The following GPC5 variants were observed in gnomAD, a reference collection of about 807,000 sequenced individuals.
GPC5 encodes glypican-5.
GPC5 carries 47 observed loss-of-function variants against 53.9 expected under a neutral mutation model. The ratio of observed to expected loss-of-function variants is 0.87; its 90% CI spans 0.69 to 1.11. The LOEUF is 1.11. Ranked by LOEUF, GPC5 falls within the 50% of genes most tolerant of loss-of-function variation. The pLI, the probability that GPC5 is intolerant of heterozygous loss-of-function variation, is 0.00. For missense variants in GPC5, 748 were observed against 713.1 expected (o/e 1.05, Z -0.56); for synonymous variants, 286 against 263.3 (o/e 1.09, Z -0.84).
intron 7 of GPC5, among the ~76,000 whole-genome samples, chr13:92,202,593 T>C (rs932925831): frequency 2.0e-5 from 3 of 152,176 alleles, no homozygotes; most frequent in African/African-American, 7.2e-5. Context: ...CCAAAGATTT[T>C]CTAATAAGAG....
rs1183481059 is a variant in GPC5 at position 91,429,173 on chromosome 13, G to A, written c.164-19588G>A. 2.6e-5 allele frequency among the ~76,000 whole-genome samples: 4 copies of A among 152,124 alleles called. No homozygotes were observed. The South Asian group carries it at 8.3e-4, about 31-fold the overall frequency. ...GGCCTCAAGTGATTCACCTGACTTG[G>A]CCTCCCAAAGTACTGGGATTACAGG... On this transcript the variant is annotated intron_variant, in intron 1 of 7. Transcript: ENST00000377067.
At chr13:92,640,170 A>G (rs1049596440) in intron 7 of GPC5, among the ~76,000 whole-genome samples, 3 of 152,106 alleles carry the variant, frequency 2.0e-5, no homozygotes, top group African/African-American at 4.8e-5. Flanking sequence ...ATATATATAC[A>G]TATCTATGTA....
At chr13:92,639,130 A>G (rs1302819266) in intron 7 of GPC5, among the ~76,000 whole-genome samples, 1 of 152,190 alleles carries the variant, frequency 6.6e-6, no homozygotes, top group Non-Finnish European at 1.5e-5. Flanking sequence ...CTCAGAAATT[A>G]TGATAGAGTA....
In GPC5 at chr13:91,617,301, G is replaced by A. The variant is rs150860344; in HGVS notation, c.326-75886G>A. Reference sequence around the variant, plus strand: ...TTCTGCATAGGCTGGGGGGAAGACCGTGTAGAGAAGATGCTATTTAATTTT... The same window carrying A: ...TTCTGCATAGGCTGGGGGGAAGACCATGTAGAGAAGATGCTATTTAATTTT... On this transcript the variant is annotated intron_variant, in intron 2 of 7. Coordinates refer to ENST00000377067, the MANE Select transcript of GPC5 (RefSeq NM_004466.6). 3.7e-3 allele frequency among the ~76,000 whole-genome samples: 557 copies of A among 152,270 alleles called. 2 individuals are homozygous for A. The highest frequency in any genetic ancestry group is 7.7e-3 in the African/African-American group (321 of 41,558).
At chr13:92,376,122 C>T (rs962474118) in intron 7 of GPC5, among the ~76,000 whole-genome samples, 3 of 152,100 alleles carry the variant, frequency 2.0e-5, no homozygotes, top group Non-Finnish European at 2.9e-5. Flanking sequence ...TGGTGCCAGC[C>T]GGGCTCTGTC....
intron 2 of GPC5, among the ~76,000 whole-genome samples, chr13:91,614,596 T>G (rs112971654): frequency 0.037 from 5,680 of 152,238 alleles, 300 homozygotes; most frequent in South Asian, 0.22. Context: ...CCTCCCAAGT[T>G]CTGGGATTAC....
At chr13:92,234,049 A>G (rs566314173) in intron 7 of GPC5, among the ~76,000 whole-genome samples, 20 of 152,266 alleles carry the variant, frequency 1.3e-4, no homozygotes, top group Non-Finnish European at 2.2e-4. Flanking sequence ...TTCTTAATCC[A>G]GTCTATCATT....
intron 2 of GPC5, among the ~76,000 whole-genome samples, chr13:91,561,275 G>C (rs1473257872): frequency 6.6e-6 from 1 of 152,074 alleles, no homozygotes; most frequent in Non-Finnish European, 1.5e-5. Flanking sequence ...TTAATCCATA[G>C]GATGAGGGCC....
intron 4 of GPC5, among the ~76,000 whole-genome samples, chr13:91,735,229 A>G (rs1335342488): frequency 2.0e-5 from 3 of 151,138 alleles, no homozygotes; most frequent in African/African-American, 7.4e-5. Context: ...TTTTTCTCTT[A>G]TTATACATAA....
intron 7 of GPC5, among the ~76,000 whole-genome samples, chr13:92,471,028 T>C (rs1189099479): frequency 6.6e-6 from 1 of 152,090 alleles, no homozygotes; most frequent in African/African-American, 2.4e-5. Flanking sequence ...CTGACTGTCA[T>C]GTGACGGGAA....
chr13:92,700,069 C>A (rs915003255), intron 7 of GPC5, among the ~76,000 whole-genome samples: 11 of 152,042 alleles, frequency 7.2e-5, no homozygotes, highest in African/African-American at 2.7e-4. Context: ...GTCTAAGTAT[C>A]TTTGTAGGTT....
At chr13:92,625,021 G>A (rs940169207) in intron 7 of GPC5, among the ~76,000 whole-genome samples, 13 of 152,130 alleles carry the variant, frequency 8.5e-5, no homozygotes, top group African/African-American at 3.1e-4. Context: ...CTAATCCAGA[G>A]CTTGCTTTTT....
chr13:92,732,128 C>T (rs1888824125), intron 7 of GPC5, among the ~76,000 whole-genome samples: 1 of 151,284 alleles, frequency 6.6e-6, no homozygotes, highest in Admixed American at 6.6e-5. Context: ...ATACTAGTGA[C>T]TTTTTACTTA....
chr13:92,238,096 TTTTG>T (rs1465317071), intron 7 of GPC5, among the ~76,000 whole-genome samples: 2 of 152,040 alleles, frequency 1.3e-5, no homozygotes, highest in South Asian at 2.1e-4. Context: ...TCACCTCTGT[TTTTG>T]TTTGTTATAA....
intron 7 of GPC5, among the ~76,000 whole-genome samples, chr13:92,525,437 A>AGTGTGTGTGTGTGTGTGTGTGTGTGT (rs34946580): frequency 2.9e-5 from 4 of 136,584 alleles, no homozygotes; most frequent in Non-Finnish European, 4.7e-5. Context: ...GATAGATTCA[A>AGTGTGTGTGTGTGTGTGTGTGTGTGT]GTGTGTGTGT....
At chr13:92,839,755 G>T (rs573428512) in intron 7 of GPC5, among the ~76,000 whole-genome samples, 1 of 151,988 alleles carries the variant, frequency 6.6e-6, no homozygotes, top group Non-Finnish European at 1.5e-5. Context: ...CTAGACTAAT[G>T]AAGAAAAGAG....
chr13:91,405,591 G>A (rs1337697091), intron 1 of GPC5, among the ~76,000 whole-genome samples: 3 of 151,998 alleles, frequency 2.0e-5, no homozygotes, highest in Non-Finnish European at 4.4e-5. Flanking sequence ...CACTTTTCAC[G>A]GCGCCACGTT....
chr13:92,196,731 C>A (rs1214282049), intron 7 of GPC5, among the ~76,000 whole-genome samples: 1 of 152,176 alleles, frequency 6.6e-6, no homozygotes, highest in Non-Finnish European at 1.5e-5. Context: ...GCCCTTTTCT[C>A]TTCGTATCCA....
chr13:92,660,900 AATTT>A (rs1260859717), intron 7 of GPC5, among the ~76,000 whole-genome samples: 2 of 151,958 alleles, frequency 1.3e-5, no homozygotes, highest in Non-Finnish European at 2.9e-5. Flanking sequence ...TTATTTTTTT[AATTT>A]ATTTATAATT....
Sources: gnomAD v4.1 joint callset for allele counts (sites outside exome capture counted in the v4.1 genomes callset) on GRCh38, gnomAD v4.1.1 for gene constraint, MANE v1.5 for transcripts, NCBI Gene and HGNC (gene_info 2026-07-23, HGNC 2026-07-21) for gene names.